The following PACRG variants were observed in gnomAD, a reference collection of about 807,000 sequenced individuals.
The protein encoded by PACRG is parkin coregulated.
In PACRG, 29 loss-of-function variants were observed where a neutral mutation model predicts 29.7. The observed-to-expected ratio is 0.98, with a 90% confidence interval of 0.73 to 1.33. The LOEUF (loss-of-function observed/expected upper bound fraction) is 1.33. Among genes scored for constraint, PACRG ranks in the 40% most tolerant of loss-of-function variants. The probability of loss-of-function intolerance (pLI) is 0.00; values close to 1 mark genes in which losing one functional copy is unlikely to be tolerated. For missense variants in PACRG, 279 were observed against 316.2 expected (o/e 0.88, Z 0.89); for synonymous variants, 116 against 118.7 (o/e 0.98, Z 0.15).
intron 1 of PACRG, among the ~76,000 whole-genome samples, chr6:162,762,525 T>G (rs750241276): frequency 9.9e-5 from 15 of 152,154 alleles, no homozygotes; most frequent in Non-Finnish European, 1.6e-4. Context: ...TCTTTAGTGT[T>G]GTACTCGTGA....
At position 162,947,364 on chromosome 6, in the gene PACRG, A is replaced by ATATGATCATATATGATATATAT. The variant is rs373909688; in HGVS notation, c.292-114786_292-114785insTATGATCATATATGATATATAT. Among the ~76,000 whole-genome samples the ATATGATCATATATGATATATAT allele has an allele frequency of 6.7e-4, 37 of 55,594 alleles. 1 individual carries two copies. Among genetic ancestry groups the ATATGATCATATATGATATATAT allele is most frequent in the African/African-American group, 2.4e-3 (35 of 14,612 alleles). 36.5% of individuals were successfully genotyped at this position (55,594 alleles called of 152,430 possible). A position where few individuals can be genotyped will look rare whatever the true frequency, so the allele number is the denominator to read the frequency against. Reference sequence around the variant, plus strand: ...TATAATGATTACATATATATAATGTAATCATATATAATCATATATATAATC... The same window carrying ATATGATCATATATGATATATAT: ...TATAATGATTACATATATATAATGTATATGATCATATATGATATATATATCATATATAATCATATATATAATC... On this transcript the variant is annotated intron_variant, in intron 2 of 4. Transcript: ENST00000366888.
intron 4 of PACRG, among the ~76,000 whole-genome samples, chr6:163,214,291 C>T (rs866560296): frequency 6.6e-6 from 1 of 152,210 alleles, no homozygotes; most frequent in African/African-American, 2.4e-5. Context: ...CCATATTGGA[C>T]AGCAGAGTTT....
At chr6:163,078,966 T>C (rs1002692365) in intron 3 of PACRG, among the ~76,000 whole-genome samples, 1 of 151,830 alleles carries the variant, frequency 6.6e-6, no homozygotes, top group Non-Finnish European at 1.5e-5. Flanking sequence ...ATCCCATGCC[T>C]GTGGGTACGC....
intron 4 of PACRG, among the ~76,000 whole-genome samples, chr6:163,221,277 A>G (rs2128159294): frequency 6.6e-6 from 1 of 152,340 alleles, no homozygotes. Context: ...CAGAGATAGG[A>G]ATCTTCAGGA....
chr6:162,849,171 C>T (rs1200859531), intron 2 of PACRG, among the ~76,000 whole-genome samples: 1 of 151,956 alleles, frequency 6.6e-6, no homozygotes, highest in Non-Finnish European at 1.5e-5. Flanking sequence ...AGTACATTGG[C>T]GTGCAAAAAG....
At chr6:163,029,765 T>G (rs73783986) in intron 2 of PACRG, among the ~76,000 whole-genome samples, 25,191 of 152,202 alleles carry the variant, frequency 0.17, 2,345 homozygotes, top group East Asian at 0.26. Context: ...ATGGGGAATG[T>G]CTCGGAGCAG....
chr6:162,924,141 G>T (rs547589293), intron 2 of PACRG, among the ~76,000 whole-genome samples: 73 of 151,856 alleles, frequency 4.8e-4, no homozygotes, highest in African/African-American at 1.6e-3. Context: ...TGTTATTTTT[G>T]TATAACTATT....
chr6:163,297,101 T>C (rs1370981155), intron 4 of PACRG, among the ~76,000 whole-genome samples: 1 of 152,232 alleles, frequency 6.6e-6, no homozygotes, highest in Non-Finnish European at 1.5e-5. Flanking sequence ...TCAAACCTGC[T>C]CTCAATGTAA....
chr6:163,152,693 G>C (rs549540284), intron 4 of PACRG, among the ~76,000 whole-genome samples: 1 of 152,268 alleles, frequency 6.6e-6, no homozygotes, highest in Admixed American at 6.5e-5. Context: ...AGGAAAATTG[G>C]CACCAAAATC....
intron 1 of PACRG, among the ~76,000 whole-genome samples, chr6:162,787,757 A>G (rs1001293794): frequency 2.9e-4 from 44 of 151,698 alleles, no homozygotes; most frequent in African/African-American, 9.7e-4. Flanking sequence ...GAAAACACCA[A>G]TTTAGAAGGA....
chr6:163,264,617 G>C (rs544610779), intron 4 of PACRG, among the ~76,000 whole-genome samples: 36 of 152,332 alleles, frequency 2.4e-4, no homozygotes, highest in Non-Finnish European at 4.4e-4. Flanking sequence ...GGGCAGCTGA[G>C]GTGAGGGGAG....
chr6:163,095,134 G>T (rs539769546), intron 4 of PACRG, among the ~76,000 whole-genome samples: 1 of 152,216 alleles, frequency 6.6e-6, no homozygotes, highest in East Asian at 1.9e-4. Context: ...CTCACCTGAT[G>T]CCCCCACGCG....
intron 4 of PACRG, among the ~76,000 whole-genome samples, chr6:163,172,940 G>A (rs1464245318): frequency 6.6e-6 from 1 of 152,150 alleles, no homozygotes; most frequent in African/African-American, 2.4e-5. Flanking sequence ...ATATGAAAAT[G>A]GCTAAATCAT....
intron 4 of PACRG, among the ~76,000 whole-genome samples, chr6:163,253,257 A>G (rs1782978869): frequency 6.7e-6 from 1 of 150,350 alleles, no homozygotes; most frequent in Non-Finnish European, 1.5e-5. Flanking sequence ...GGGAGATCGC[A>G]CCACTGCACT....
intron 4 of PACRG, among the ~76,000 whole-genome samples, chr6:163,185,618 T>C (rs953991737): frequency 2.6e-5 from 4 of 152,202 alleles, no homozygotes; most frequent in African/African-American, 9.7e-5. Context: ...TAGTTCCCGA[T>C]GCCTGAGATA....
At chr6:162,925,249 G>T (rs2128099113) in intron 2 of PACRG, among the ~76,000 whole-genome samples, 1 of 152,206 alleles carries the variant, frequency 6.6e-6, no homozygotes, top group Middle Eastern at 3.4e-3. Flanking sequence ...AGAGGAGCTG[G>T]TACCATTCCT....
rs377015946 is a variant in PACRG, at chr6:163,301,061, G to A, written c.614-13766G>A. The stretch of plus-strand genomic sequence containing the variant: ...CTGCCCGTGAGTTTAGTAGGGCCAC[G>A]TCCGCTGCTTCCCGTGAGTTTAGTA... On this transcript the variant is annotated intron_variant, in intron 4 of 4. Transcript: ENST00000366888. 1.1e-4 allele frequency among the ~76,000 whole-genome samples: 16 copies of A among 146,232 alleles called. 1 individual carries two copies. In the East Asian group the frequency reaches 2.7e-3, roughly 25 times the overall value.
At chr6:162,786,242 G>A (rs1373305661) in intron 1 of PACRG, among the ~76,000 whole-genome samples, 1 of 152,206 alleles carries the variant, frequency 6.6e-6, no homozygotes. Context: ...GTGGGATTGT[G>A]GGTCTTCTGT....
At chr6:163,253,193 G>A (rs188567466) in intron 4 of PACRG, among the ~76,000 whole-genome samples, 2,176 of 151,702 alleles carry the variant, frequency 0.014, 31 homozygotes, top group Non-Finnish European at 0.019. Context: ...CCAGCTACTC[G>A]GGAGGCTGAG....
Sources: allele counts gnomAD v4.1 joint callset (sites outside exome capture counted in the v4.1 genomes callset), GRCh38; gene constraint gnomAD v4.1.1; transcripts MANE v1.5; gene names NCBI Gene and HGNC (gene_info 2026-07-23, HGNC 2026-07-21).